RBFOX2: variants seen among roughly 807,000 people sequenced by gnomAD.
The protein encoded by RBFOX2 is RNA binding protein fox-1 homolog 2.
In RBFOX2, 10 loss-of-function variants were observed where a neutral mutation model predicts 49.1. The observed-to-expected ratio is 0.20, with a 90% CI of 0.13 to 0.35. RBFOX2 has a LOEUF of 0.35. Among genes scored for constraint, RBFOX2 ranks in the 10% least tolerant of loss-of-function variants. RBFOX2 has a pLI of 1.00. For synonymous variants in RBFOX2, 183 were observed against 187.4 expected, an observed-to-expected ratio of 0.98 and a Z score of 0.19; for missense variants, 323 against 486.9, an observed-to-expected ratio of 0.66 and a Z score of 3.17.
chr22:35,955,861 A>G (rs2055493264), intron 1 of RBFOX2, among the ~76,000 whole-genome samples: 1 of 152,178 alleles, frequency 6.6e-6, no homozygotes, highest in African/African-American at 2.4e-5. Context: ...CTGTTTCAAT[A>G]TTATTCTGAA....
At chr22:35,840,305 C>T (rs536286751) in exon 1 of RBFOX2, 3 of 1,613,024 alleles carry the variant, frequency 1.9e-6, no homozygotes, top group African/African-American at 1.3e-5. Flanking sequence ...CCTCCCCCCC[C>T]AATCTAGCTA....
At chr22:35,949,706 T>C (rs1160522660) in intron 1 of RBFOX2, among the ~76,000 whole-genome samples, 1 of 152,268 alleles carries the variant, frequency 6.6e-6, no homozygotes, top group Non-Finnish European at 1.5e-5. Flanking sequence ...ACCATTTGTA[T>C]ACCTTCTTTG....
At chr22:35,904,260 T>G (rs2048892434) in intron 1 of RBFOX2, among the ~76,000 whole-genome samples, 1 of 152,348 alleles carries the variant, frequency 6.6e-6, no homozygotes, top group African/African-American at 2.4e-5. Flanking sequence ...TCTCTGTTAC[T>G]GTGCCCTGTT....
chr22:35,904,899 AAG>A (rs1176634584), intron 1 of RBFOX2, among the ~76,000 whole-genome samples: 1 of 152,230 alleles, frequency 6.6e-6, no homozygotes, highest in Non-Finnish European at 1.5e-5. Flanking sequence ...TCAAGTGCTC[AAG>A]AGCCACGTGA....
chr22:35,775,841 C>CAA (rs753116056), intron 4 of RBFOX2, among the ~76,000 whole-genome samples: 11 of 56,078 alleles, frequency 2.0e-4, no homozygotes, highest in South Asian at 1.2e-3. Flanking sequence ...GAATCTGCCT[C>CAA]AAAAAAAAAA....
chr22:35,769,665 A>G (rs1942099658), intron 4 of RBFOX2, among the ~76,000 whole-genome samples: 1 of 152,152 alleles, frequency 6.6e-6, no homozygotes, highest in African/African-American at 2.4e-5. Context: ...CCACTGTAGG[A>G]TAACCCAGAA....
upstream of RBFOX2, among the ~76,000 whole-genome samples, chr22:35,844,034 T>C (rs1413839249): frequency 6.6e-6 from 1 of 152,206 alleles, no homozygotes; most frequent in African/African-American, 2.4e-5. Context: ...ACACCATGTT[T>C]CTATTCTTTT....
intron 2 of RBFOX2, among the ~76,000 whole-genome samples, chr22:35,794,655 C>T (rs1948431508): frequency 6.7e-6 from 1 of 148,692 alleles, no homozygotes; most frequent in Non-Finnish European, 1.5e-5. Flanking sequence ...AAGACTCTGT[C>T]TCAAAAAAAA....
At chr22:35,803,819 GAAC>G (rs1950201775) in intron 2 of RBFOX2, among the ~76,000 whole-genome samples, 1 of 152,062 alleles carries the variant, frequency 6.6e-6, no homozygotes, top group African/African-American at 2.4e-5. Flanking sequence ...TGGGATGGCA[GAAC>G]AAAGAAGGAG....
At chr22:35,959,071 C>T (rs2055915199) in intron 1 of RBFOX2, among the ~76,000 whole-genome samples, 1 of 152,124 alleles carries the variant, frequency 6.6e-6, no homozygotes, top group South Asian at 2.1e-4. Context: ...GGTACTGAGA[C>T]TCCACTGGTG....
At chr22:35,939,778 C>T (rs1428793595), upstream of RBFOX2, among the ~76,000 whole-genome samples, 4 of 152,048 alleles carry the variant, frequency 2.6e-5, no homozygotes, top group Admixed American at 6.6e-5. Context: ...TTACTTGACC[C>T]ATTCAATCAT....
At chr22:35,903,089 C>T (rs1280998326) in intron 1 of RBFOX2, among the ~76,000 whole-genome samples, 2 of 152,130 alleles carry the variant, frequency 1.3e-5, no homozygotes, top group African/African-American at 4.8e-5. Flanking sequence ...TTTGACCCCT[C>T]ATCTCCCTCC....
intron 9 of RBFOX2, chr22:35,752,479 C>A (rs991874525): frequency 3.0e-6 from 1 of 334,334 alleles, no homozygotes; most frequent in Non-Finnish European, 4.3e-6. Context: ...TTAGATCACA[C>A]GCTCACAAGT....
At chr22:35,965,473 T>C (rs1172828425), upstream of RBFOX2, among the ~76,000 whole-genome samples, 1 of 152,164 alleles carries the variant, frequency 6.6e-6, no homozygotes, top group Non-Finnish European at 1.5e-5. Context: ...ATGGCCAAAA[T>C]GAGGTACATC....
At chr22:35,851,495 T>C (rs1379029458) in intron 1 of RBFOX2, among the ~76,000 whole-genome samples, 1 of 152,114 alleles carries the variant, frequency 6.6e-6, no homozygotes, top group Non-Finnish European at 1.5e-5. Flanking sequence ...AAACTAAATA[T>C]TGTAAGCAAC....
intron 1 of RBFOX2, among the ~76,000 whole-genome samples, chr22:35,986,618 C>G (rs1036769860): frequency 5.3e-5 from 8 of 152,136 alleles, no homozygotes; most frequent in African/African-American, 1.9e-4. Flanking sequence ...TATGCCCACC[C>G]CCTTTAAGAA....
At chr22:36,023,082 A>G (rs569111016) in intron 1 of RBFOX2, among the ~76,000 whole-genome samples, 5 of 152,240 alleles carry the variant, frequency 3.3e-5, no homozygotes, top group East Asian at 3.9e-4. Context: ...AAAAAACACA[A>G]TATTTTTATA....
chr22:35,940,067 T>C (rs548788223), upstream of RBFOX2, among the ~76,000 whole-genome samples: 1 of 152,358 alleles, frequency 6.6e-6, no homozygotes, highest in South Asian at 2.1e-4. Context: ...GATAGGACTT[T>C]TGAATATAAC....
chr22:35,808,220 G>A (rs760723212), intron 2 of RBFOX2, among the ~76,000 whole-genome samples: 5 of 152,110 alleles, frequency 3.3e-5, no homozygotes, highest in Non-Finnish European at 7.4e-5. Context: ...CAGCCTGTAC[G>A]TTTATGATTC....
Sources: allele counts gnomAD v4.1 joint callset (sites outside exome capture counted in the v4.1 genomes callset), GRCh38; gene constraint gnomAD v4.1.1; transcripts MANE v1.5; gene names NCBI Gene and HGNC (gene_info 2026-07-23, HGNC 2026-07-21).